CCDC171: variants seen among roughly 807,000 people sequenced by gnomAD.
The protein encoded by CCDC171 is coiled-coil domain-containing protein 171.
A neutral mutation model predicts 168.2 loss-of-function variants in CCDC171; 177 were observed. That is an observed-to-expected ratio of 1.05 (90% CI 0.93 to 1.19). The LOEUF (loss-of-function observed/expected upper bound fraction) is 1.19, where lower values mean the gene tolerates loss of function less well. Among genes scored for constraint, CCDC171 ranks in the 50% most tolerant of loss-of-function variants. The pLI, the probability that CCDC171 is intolerant of heterozygous loss-of-function variation, is 0.00. For missense variants in CCDC171, 1,991 were observed against 1,539.0 expected (o/e 1.29, Z -4.91); for synonymous variants, 687 against 540.8 (o/e 1.27, Z -3.75).
Position 15,721,857 on chromosome 9 carries a change from G to T in CCDC171, c.1407G>T (p.Leu469=). Residue 469 remains leucine, a synonymous_variant, in exon 12 of 26, where the codon CTG becomes CTT. Coordinates refer to ENST00000380701, the MANE Select transcript of CCDC171 (RefSeq NM_173550.4). The part of the protein sequence containing the change: ...RRTLTDYQNK[L]EDASNEEKAC... The stretch of plus-strand genomic sequence containing the variant: ...CCTTGACAGATTACCAGAACAAGCT[G>T]GAAGATGCATCTAATGAGGTAACAC... The T allele has an allele frequency of 6.5e-7, 1 of 1,548,098 alleles. No individual in the cohort carries two copies. The highest frequency in any genetic ancestry group is 8.7e-7 in the Non-Finnish European group (1 of 1,143,926).
the CCDC171 span, among the ~76,000 whole-genome samples, chr9:16,099,746 C>A: frequency 6.6e-5 from 10 of 152,238 alleles, 1 homozygote; most frequent in East Asian, 1.2e-3. Context: ...AGAAAGAGAT[C>A]GCACAACAAA....
At chr9:15,996,325 G>C (rs1832372182) in intron 3 of CCDC171, among the ~76,000 whole-genome samples, 1 of 151,534 alleles carries the variant, frequency 6.6e-6, no homozygotes, top group African/African-American at 2.4e-5. Flanking sequence ...CGGCACACCT[G>C]CCATTTTATT....
intron 3 of CCDC171, among the ~76,000 whole-genome samples, chr9:15,989,255 A>T (rs926439261): frequency 6.6e-6 from 1 of 151,992 alleles, no homozygotes; most frequent in African/African-American, 2.4e-5. Context: ...TCAGGCAGCA[A>T]CATTTACTGT....
chr9:15,769,697 G>A (rs545000509), intron 18 of CCDC171, among the ~76,000 whole-genome samples: 16 of 152,272 alleles, frequency 1.1e-4, no homozygotes, highest in Admixed American at 3.3e-4. Context: ...CCGTACCAAC[G>A]GATGCTGGTG....
the CCDC171 span, among the ~76,000 whole-genome samples, chr9:16,075,110 T>A: frequency 6.6e-6 from 1 of 152,236 alleles, no homozygotes; most frequent in East Asian, 1.9e-4. Flanking sequence ...TTTTACCAGA[T>A]ATTGAAATTC....
chr9:16,045,249 G>A (rs545727141), intron 1 of CCDC171, among the ~76,000 whole-genome samples: 71 of 152,228 alleles, frequency 4.7e-4, no homozygotes, highest in Non-Finnish European at 9.1e-4. Context: ...GGAGAGGAGT[G>A]GAGAAATGAG....
chr9:15,738,365 T>G (rs2054625919), intron 16 of CCDC171, among the ~76,000 whole-genome samples: 1 of 152,224 alleles, frequency 6.6e-6, no homozygotes, highest in Admixed American at 6.5e-5. Flanking sequence ...AAAGGAAAAC[T>G]GGTGAAATTA....
intron 3 of CCDC171, among the ~76,000 whole-genome samples, chr9:15,993,044 T>C (rs1441522984): frequency 1.3e-5 from 2 of 152,186 alleles, no homozygotes; most frequent in Non-Finnish European, 2.9e-5. Flanking sequence ...GATTCAGTGC[T>C]ATCCCCATCA....
chr9:15,996,529 G>T (rs570349036), intron 3 of CCDC171, among the ~76,000 whole-genome samples: 40 of 149,174 alleles, frequency 2.7e-4, no homozygotes, highest in Admixed American at 1.5e-3. Context: ...TGGAATTTTC[G>T]ACTTGTGGCA....
chr9:16,091,479 G>A, the CCDC171 span, among the ~76,000 whole-genome samples: 1 of 152,214 alleles, frequency 6.6e-6, no homozygotes, highest in African/African-American at 2.4e-5. Flanking sequence ...TCACCATCTA[G>A]TGTAGGAGCT....
At chr9:15,840,420 G>A (rs1193472306) in intron 21 of CCDC171, among the ~76,000 whole-genome samples, 1 of 152,234 alleles carries the variant, frequency 6.6e-6, no homozygotes, top group East Asian at 1.9e-4. Context: ...CATAGCTGGG[G>A]TTGTCAGCTC....
At chr9:15,611,895 T>G (rs530300378) in intron 6 of CCDC171, among the ~76,000 whole-genome samples, 2 of 152,270 alleles carry the variant, frequency 1.3e-5, no homozygotes, top group East Asian at 3.9e-4. Context: ...GAAACCTAAT[T>G]GCCATTGTGA....
chr9:15,596,319 G>A (rs2042352339), intron 6 of CCDC171, among the ~76,000 whole-genome samples: 2 of 151,796 alleles, frequency 1.3e-5, no homozygotes, highest in African/African-American at 4.8e-5. Flanking sequence ...ATTAATTTTT[G>A]TATAAGGTGT....
At chr9:15,620,986 G>A (rs1003562113) in intron 6 of CCDC171, among the ~76,000 whole-genome samples, 7 of 151,938 alleles carry the variant, frequency 4.6e-5, no homozygotes, top group Non-Finnish European at 7.4e-5. Flanking sequence ...TTATTTTTGA[G>A]ACAGAGTCCT....
chr9:15,755,465 C>G (rs1387999629), intron 18 of CCDC171, among the ~76,000 whole-genome samples: 1 of 152,168 alleles, frequency 6.6e-6, no homozygotes, highest in African/African-American at 2.4e-5. Context: ...TACATTCATA[C>G]AAACACAAAC....
intron 10 of CCDC171, among the ~76,000 whole-genome samples, chr9:15,681,637 C>T (rs1159907315): frequency 1.3e-5 from 2 of 151,778 alleles, no homozygotes; most frequent in Non-Finnish European, 2.9e-5. Flanking sequence ...TTTTCTTGTA[C>T]ATATTCCTTT....
intron 18 of CCDC171, 54 bp downstream of exon 18, chr9:15,745,685 G>C: frequency 9.6e-7 from 1 of 1,041,960 alleles, no homozygotes; most frequent in Non-Finnish European, 1.4e-6. Context: ...CAAATATCCA[G>C]AAATTCTTTA....
intron 1 of CCDC171, among the ~76,000 whole-genome samples, chr9:16,059,055 C>G (rs1371208307): frequency 1.3e-5 from 2 of 152,188 alleles, no homozygotes; most frequent in Non-Finnish European, 2.9e-5. Flanking sequence ...GTTCCTGTCT[C>G]CACAGTGACC....
intron 3 of CCDC171, among the ~76,000 whole-genome samples, chr9:16,001,768 A>G (rs888914375): frequency 1.3e-5 from 2 of 152,034 alleles, no homozygotes; most frequent in African/African-American, 4.8e-5. Context: ...AAAGTCTGGC[A>G]CTAAAATTAT....
Sources: allele counts gnomAD v4.1 joint callset (sites outside exome capture counted in the v4.1 genomes callset), GRCh38; gene constraint gnomAD v4.1.1; transcripts MANE v1.5; gene names NCBI Gene and HGNC (gene_info 2026-07-23, HGNC 2026-07-21).